Variants in PCDH15 observed in about 807,000 individuals in gnomAD.
The protein encoded by PCDH15 is protocadherin related 15, also known as protocadherin-15.
PCDH15 carries 129 observed loss-of-function variants against 178.5 expected under a neutral mutation model. The ratio of observed to expected loss-of-function variants is 0.72; its 90% CI spans 0.63 to 0.84. PCDH15 has a LOEUF of 0.84. PCDH15 is among the 40% of genes least tolerant of loss of function. The pLI is 0.00. For synonymous variants in PCDH15, 800 were observed against 732.0 expected, an observed-to-expected ratio of 1.09 and a Z score of -1.50; for missense variants, 2,230 against 2,099.9, an observed-to-expected ratio of 1.06 and a Z score of -1.21.
intron 2 of PCDH15, among the ~76,000 whole-genome samples, chr10:54,558,376 T>G (rs781515793): frequency 6.6e-6 from 1 of 152,178 alleles, no homozygotes; most frequent in Non-Finnish European, 1.5e-5. Context: ...ATAAATAATT[T>G]ATCAAACAAC....
chr10:54,337,084 T>C (rs1941318944), intron 6 of PCDH15, among the ~76,000 whole-genome samples: 1 of 150,342 alleles, frequency 6.7e-6, no homozygotes, highest in African/African-American at 2.5e-5. Flanking sequence ...GACCCTTTGT[T>C]TTTGCCAATT....
In PCDH15 at chr10:53,868,274, TTAAG is replaced by T. The variant is rs1371724371; in HGVS notation, c.3502-1421_3502-1418del. On this transcript the variant is annotated intron_variant, in intron 26 of 37. Transcript: ENST00000644397. ...CTTATTTTTACCTATGCTATTATTA[TTAAG>T]TATGAGTATGCATTTATGATCTGCC... Among the ~76,000 whole-genome samples, 8 of 152,218 alleles carry T rather than the reference TTAAG, an allele frequency of 5.3e-5. No homozygotes were observed. In the South Asian group the frequency reaches 6.2e-4, roughly 12 times the overall value.
At chr10:54,882,685 C>A (rs1224866580) in intron 3 of PCDH15, among the ~76,000 whole-genome samples, 1 of 151,942 alleles carries the variant, frequency 6.6e-6, no homozygotes, top group African/African-American at 2.4e-5. Context: ...GATTAAGAAT[C>A]TGCTATTCAG....
chr10:55,510,985 A>G (rs939249586), intron 2 of PCDH15, among the ~76,000 whole-genome samples: 1 of 151,292 alleles, frequency 6.6e-6, no homozygotes, highest in Non-Finnish European at 1.5e-5. Flanking sequence ...TCAACCTCCC[A>G]AGTAGCTGGG....
intron 2 of PCDH15, among the ~76,000 whole-genome samples, chr10:55,440,460 G>T (rs1234687291): frequency 1.3e-5 from 2 of 152,010 alleles, no homozygotes; most frequent in African/African-American, 4.8e-5. Context: ...CAGAAAAGTG[G>T]CAAAGTAAAC....
At chr10:54,372,450 A>G (rs1429105013) in intron 4 of PCDH15, among the ~76,000 whole-genome samples, 1 of 151,892 alleles carries the variant, frequency 6.6e-6, no homozygotes, top group East Asian at 1.9e-4. Flanking sequence ...AATTATAACC[A>G]TAATGGATCA....
intron 2 of PCDH15, among the ~76,000 whole-genome samples, chr10:55,344,569 C>G (rs1844691743): frequency 1.3e-5 from 2 of 152,060 alleles, no homozygotes; most frequent in South Asian, 4.1e-4. Flanking sequence ...CCAAAAGAGA[C>G]TGTTGGTCCA....
intron 1 of PCDH15, among the ~76,000 whole-genome samples, chr10:54,688,401 A>C (rs2095054272): frequency 6.6e-6 from 1 of 152,082 alleles, no homozygotes. Flanking sequence ...GTTCAATCTG[A>C]CTCTGGCTAA....
At chr10:55,151,992 C>T (rs1838736838) in intron 2 of PCDH15, among the ~76,000 whole-genome samples, 1 of 151,864 alleles carries the variant, frequency 6.6e-6, no homozygotes, top group African/African-American at 2.4e-5. Context: ...CTATAGGAGA[C>T]TTTGTTATGT....
At chr10:55,254,354 A>T (rs986549708) in intron 1 of PCDH15, among the ~76,000 whole-genome samples, 1 of 152,136 alleles carries the variant, frequency 6.6e-6, no homozygotes, top group Non-Finnish European at 1.5e-5. Context: ...GTTTTGGAAG[A>T]GGCTATTTTT....
intron 2 of PCDH15, among the ~76,000 whole-genome samples, chr10:54,538,334 C>A (rs375466522): frequency 6.6e-6 from 1 of 151,936 alleles, no homozygotes; most frequent in Non-Finnish European, 1.5e-5. Flanking sequence ...ATGTGGCTAG[C>A]CAGTTAACTC....
chr10:54,657,256 T>G (rs115823706), intron 2 of PCDH15, among the ~76,000 whole-genome samples: 1 of 151,998 alleles, frequency 6.6e-6, no homozygotes, highest in Non-Finnish European at 1.5e-5. Flanking sequence ...GGGAAGCAGA[T>G]CACATTCCTG....
At position 54,970,471 on chromosome 10, in the gene PCDH15, T is replaced by C. The variant is rs115592301; in HGVS notation, c.-79-72971A>G. Among the ~76,000 whole-genome samples the C allele has an allele frequency of 5.8e-3, 886 of 152,198 alleles. 8 individuals carry two copies. Among genetic ancestry groups the C allele is most frequent in the African/African-American group, 0.02 (836 of 41,524 alleles). ...AGATTAAGTGGCTGTGATTAGAACATTGGTGAAAATGTGAAGACAATTCTG... is the reference window on the plus strand; with the variant it reads ...AGATTAAGTGGCTGTGATTAGAACACTGGTGAAAATGTGAAGACAATTCTG... On this transcript the variant is annotated intron_variant, in intron 2 of 5. Transcript: ENST00000458638.
intron 2 of PCDH15, among the ~76,000 whole-genome samples, chr10:55,330,044 CATT>C: frequency 6.6e-6 from 1 of 151,828 alleles, no homozygotes; most frequent in African/African-American, 2.4e-5. Flanking sequence ...TATTGAGACA[CATT>C]ATTTCTTTCA....
At chr10:54,407,499 C>G (rs1465731907) in intron 3 of PCDH15, among the ~76,000 whole-genome samples, 2 of 151,966 alleles carry the variant, frequency 1.3e-5, no homozygotes, top group Non-Finnish European at 2.9e-5. Context: ...TTATGGCATT[C>G]AATTTATTCT....
At chr10:55,547,910 T>TGTGTGTGAGAGAGAGAGA (rs541144266) in intron 2 of PCDH15, among the ~76,000 whole-genome samples, 925 of 54,312 alleles carry the variant, frequency 0.017, 55 homozygotes, top group African/African-American at 0.04. Context: ...TGTGTGTGTG[T>TGTGTGTGAGAGAGAGAGA]GAGAGAGAGA....
intron 15 of PCDH15, among the ~76,000 whole-genome samples, chr10:54,130,129 GAC>G (rs2042306135): frequency 6.6e-6 from 1 of 151,496 alleles, no homozygotes; most frequent in South Asian, 2.1e-4. Flanking sequence ...AATTCAGACA[GAC>G]AAAGAGGGAG....
intron 2 of PCDH15, among the ~76,000 whole-genome samples, chr10:55,519,241 T>C (rs1407728196): frequency 1.3e-5 from 2 of 151,246 alleles, no homozygotes; most frequent in Non-Finnish European, 2.9e-5. Context: ...CTCTCCTCTT[T>C]CTTTAATTTT....
chr10:54,996,078 T>G (rs1015238762), intron 2 of PCDH15, among the ~76,000 whole-genome samples: 18 of 152,130 alleles, frequency 1.2e-4, no homozygotes, highest in African/African-American at 4.1e-4. Flanking sequence ...CCCTAGCATT[T>G]CAGTAACAGA....
Sources: gnomAD v4.1 joint callset for allele counts (sites outside exome capture counted in the v4.1 genomes callset) on GRCh38, gnomAD v4.1.1 for gene constraint, MANE v1.5 for transcripts, NCBI Gene and HGNC (gene_info 2026-07-23, HGNC 2026-07-21) for gene names.